SLC24A2: variants seen among roughly 807,000 people sequenced by gnomAD.
SLC24A2 encodes the protein solute carrier family 24 member 2, also known as sodium/potassium/calcium exchanger 2.
In SLC24A2, 36 loss-of-function variants were observed where a neutral mutation model predicts 62.0. The ratio of observed to expected loss-of-function variants is 0.58; its 90% CI spans 0.44 to 0.77. The LOEUF is 0.77. SLC24A2 is among the 30% of genes least tolerant of loss of function. The pLI is 0.00. For missense variants in SLC24A2, 846 were observed against 817.9 expected, an observed-to-expected ratio of 1.03 and a Z score of -0.42; for synonymous variants, 358 against 294.0, an observed-to-expected ratio of 1.22 and a Z score of -2.23.
chr9:19,812,273 T>C, the SLC24A2 span, among the ~76,000 whole-genome samples: 3 of 152,172 alleles, frequency 2.0e-5, no homozygotes, highest in Non-Finnish European at 4.4e-5. Context: ...TTCCCCCATA[T>C]TCTTTTTTCT....
intron 2 of SLC24A2, among the ~76,000 whole-genome samples, chr9:19,780,131 A>C (rs1166813475): frequency 1.3e-5 from 2 of 152,234 alleles, no homozygotes; most frequent in Non-Finnish European, 2.9e-5. Context: ...CTTAAATTCT[A>C]GACTTCGAAT....
the SLC24A2 span, among the ~76,000 whole-genome samples, chr9:19,941,584 TGTGTGTGAGA>T: frequency 8.5e-5 from 11 of 129,776 alleles, no homozygotes; most frequent in African/African-American, 2.6e-4. Flanking sequence ...TGTGTGTGTG[TGTGTGTGAGA>T]GAGAGAGAGA....
At chr9:20,180,619 T>A in the SLC24A2 span, among the ~76,000 whole-genome samples, 17 of 152,148 alleles carry the variant, frequency 1.1e-4, no homozygotes, top group African/African-American at 3.1e-4. Flanking sequence ...TGATCACATT[T>A]AGAATTATTT....
chr9:19,516,355 G>T lies in SLC24A2; in HGVS notation c.1784C>A (p.Pro595Gln). The T allele has an allele frequency of 6.2e-7, 1 of 1,614,160 alleles. No homozygotes were observed. The highest frequency in any genetic ancestry group is 8.5e-7 in the Non-Finnish European group (1 of 1,180,016). Reference protein sequence around the residue: ...LLYTVIHRFQPVAVSSNGLFC... With the variant: ...LLYTVIHRFQQVAVSSNGLFC... ...AAGGCCATTGCTGCTGACAGCCACT[G>T]GCTGGAATCTGTGAATGACGGTGTA... Residue 595 changes from proline (P) to glutamine (Q), a missense_variant, in exon 11 of 11, where the codon CCA (proline) becomes CAA (glutamine). By Grantham distance (76) the Pro-to-Gln change is moderately conservative. Coordinates refer to ENST00000341998, the MANE Select transcript of SLC24A2 (RefSeq NM_020344.4).
the SLC24A2 span, among the ~76,000 whole-genome samples, chr9:20,000,727 G>A: frequency 6.6e-6 from 1 of 152,132 alleles, no homozygotes. Flanking sequence ...CTAAAGAATG[G>A]ACCCCAGTTT....
intron 2 of SLC24A2, 35 bp from the exon 3 acceptor site, chr9:19,622,334 A>G (rs746062447): frequency 6.3e-7 from 1 of 1,596,402 alleles, no homozygotes; most frequent in South Asian, 1.1e-5. Context: ...CAAAAGACAA[A>G]GAAATAAATA....
At chr9:20,252,405 T>G in the SLC24A2 span, among the ~76,000 whole-genome samples, 2 of 152,344 alleles carry the variant, frequency 1.3e-5, 1 homozygote, top group South Asian at 4.1e-4. Flanking sequence ...GCACTGTGTC[T>G]GGTGTCTCAT....
At chr9:19,749,100 A>C (rs752128919) in intron 2 of SLC24A2, among the ~76,000 whole-genome samples, 1 of 149,046 alleles carries the variant, frequency 6.7e-6, no homozygotes, top group African/African-American at 2.5e-5. Flanking sequence ...CATTCTAGAT[A>C]CCGACCCAAG....
the SLC24A2 span, among the ~76,000 whole-genome samples, chr9:19,958,586 C>G: frequency 1.3e-5 from 2 of 152,184 alleles, no homozygotes; most frequent in African/African-American, 4.8e-5. Context: ...GTTAACTTTC[C>G]TCTTTACTAG....
chr9:20,231,104 GGT>G, the SLC24A2 span, among the ~76,000 whole-genome samples: 1 of 152,046 alleles, frequency 6.6e-6, no homozygotes, highest in Non-Finnish European at 1.5e-5. Flanking sequence ...TCTCTGTTTT[GGT>G]ACCAGTACCA....
chr9:19,593,661 C>T (rs534349793), intron 5 of SLC24A2, among the ~76,000 whole-genome samples: 20 of 152,134 alleles, frequency 1.3e-4, no homozygotes, highest in Admixed American at 3.3e-4. Context: ...ATCCATCAAG[C>T]ATTTCTTCCC....
At chr9:19,989,202 G>A in the SLC24A2 span, among the ~76,000 whole-genome samples, 3 of 152,128 alleles carry the variant, frequency 2.0e-5, no homozygotes, top group Middle Eastern at 3.2e-3. Context: ...TATAAGGAGA[G>A]AATATTATAA....
intron 5 of SLC24A2, among the ~76,000 whole-genome samples, chr9:19,594,076 C>T (rs1230699583): frequency 6.6e-6 from 1 of 151,934 alleles, no homozygotes; most frequent in Non-Finnish European, 1.5e-5. Context: ...TTTACTAATT[C>T]TTTAGGGCCC....
At chr9:20,158,576 A>G in the SLC24A2 span, among the ~76,000 whole-genome samples, 1 of 151,680 alleles carries the variant, frequency 6.6e-6, no homozygotes, top group Admixed American at 6.6e-5. Flanking sequence ...AATAAGAAAT[A>G]CAATTCTGTT....
chr9:19,901,239 T>C, the SLC24A2 span, among the ~76,000 whole-genome samples: 1 of 152,170 alleles, frequency 6.6e-6, no homozygotes, highest in African/African-American at 2.4e-5. Flanking sequence ...GTTTACAAGA[T>C]ATAATGATGG....
the SLC24A2 span, among the ~76,000 whole-genome samples, chr9:19,939,323 C>T: frequency 6.6e-6 from 1 of 152,192 alleles, no homozygotes; most frequent in East Asian, 1.9e-4. Flanking sequence ...ACTTACACGC[C>T]TAGGCTATAT....
At chr9:19,688,058 C>T (rs1819936628) in intron 2 of SLC24A2, among the ~76,000 whole-genome samples, 2 of 152,084 alleles carry the variant, frequency 1.3e-5, no homozygotes, top group Admixed American at 1.3e-4. Flanking sequence ...GTGAAGGCTC[C>T]TCTCAGTGAT....
At chr9:20,287,966 G>A in the SLC24A2 span, among the ~76,000 whole-genome samples, 1 of 152,076 alleles carries the variant, frequency 6.6e-6, no homozygotes, top group African/African-American at 2.4e-5. Context: ...CATATTGATT[G>A]CAAGGTATAC....
chr9:19,692,668 T>C (rs1181799506), intron 2 of SLC24A2, among the ~76,000 whole-genome samples: 2 of 152,168 alleles, frequency 1.3e-5, no homozygotes, highest in African/African-American at 4.8e-5. Flanking sequence ...TTTTTCTTCC[T>C]AGCACTTGTC....
Sources: allele counts gnomAD v4.1 joint callset (sites outside exome capture counted in the v4.1 genomes callset), GRCh38; gene constraint gnomAD v4.1.1; transcripts MANE v1.5; gene names NCBI Gene and HGNC (gene_info 2026-07-23, HGNC 2026-07-21).